The following MAN1C1 variants were observed in gnomAD, a reference collection of about 807,000 sequenced individuals.
MAN1C1 encodes the protein mannosidase alpha class 1C member 1.
Under a neutral mutation model 71.5 loss-of-function variants are expected in MAN1C1, and 49 were observed. The ratio of observed to expected loss-of-function variants is 0.69; its 90% CI spans 0.54 to 0.87. MAN1C1 has a LOEUF of 0.87. Among genes scored for constraint, MAN1C1 ranks in the 40% least tolerant of loss-of-function variants. The probability of loss-of-function intolerance (pLI) is 0.00; values close to 1 mark genes in which losing one functional copy is unlikely to be tolerated. For synonymous variants in MAN1C1, 352 were observed against 343.7 expected (o/e 1.02, Z -0.27); for missense variants, 743 against 835.0 (o/e 0.89, Z 1.36).
At chr1:25,678,131 C>CT (rs932815112) in intron 1 of MAN1C1, among the ~76,000 whole-genome samples, 5 of 152,038 alleles carry the variant, frequency 3.3e-5, no homozygotes, top group African/African-American at 1.2e-4. Flanking sequence ...TTCTTTCAGT[C>CT]TTTTTTGTAA....
chr1:25,767,919 C>T (rs1465707455), intron 7 of MAN1C1, among the ~76,000 whole-genome samples: 2 of 71,390 alleles, frequency 2.8e-5, no homozygotes, highest in Admixed American at 1.5e-4. Context: ...TTACACACTC[C>T]CCCACACAGA....
chr1:25,764,733 A>C lies in MAN1C1; in HGVS notation c.1141+766A>C, dbSNP rs2047405809. On this transcript the variant is annotated intron_variant, in intron 7 of 11. Coordinates refer to ENST00000374332, the MANE Select transcript of MAN1C1 (RefSeq NM_020379.4). The surrounding 1 kb of genome is among the most constrained non-coding windows in gnomAD (Gnocchi z 4.4). ...ACGCCTGGCTCCAACTTTAATTTAA[A>C]AAACAAACAAACAAACAAACAAACA... is the stretch of plus-strand genomic sequence containing the variant. 1.3e-5 allele frequency among the ~76,000 whole-genome samples: 2 copies of C among 151,978 alleles called. No homozygotes were observed. The highest frequency in any genetic ancestry group is 4.2e-4 in the South Asian group (2 of 4,818).
chr1:25,648,912 G>C (rs986040622), intron 1 of MAN1C1, among the ~76,000 whole-genome samples: 4 of 152,200 alleles, frequency 2.6e-5, no homozygotes, highest in African/African-American at 9.6e-5. Flanking sequence ...TCTTTGAAAA[G>C]AAAAGCAGAG....
At chr1:25,768,735 C>T (rs1043153133) in intron 7 of MAN1C1, among the ~76,000 whole-genome samples, 1 of 131,110 alleles carries the variant, frequency 7.6e-6, no homozygotes, top group Non-Finnish European at 1.6e-5. Flanking sequence ...CATACACTCC[C>T]CTCACACACC....
Position 25,782,990 on chromosome 1 carries a change from G to C in MAN1C1, c.1766+290G>C, listed in dbSNP as rs910400044. Among the ~76,000 whole-genome samples the C allele has an allele frequency of 6.6e-6, 1 of 152,168 alleles. No individual in the cohort carries two copies. The highest frequency in any genetic ancestry group is 6.5e-5 in the Admixed American group (1 of 15,276). ...CCAGGTTGCTTCCGTTCTGGGAACC[G>C]CGTCCTCGTGTGTAAAATGGGATAG... On this transcript the variant is annotated intron_variant, in intron 11 of 11. Transcript: ENST00000374332. The surrounding 1 kb of genome is among the most constrained non-coding windows in gnomAD (Gnocchi z 4.4).
chr1:25,659,777 T>C (rs1421552660), intron 1 of MAN1C1, among the ~76,000 whole-genome samples: 3 of 152,210 alleles, frequency 2.0e-5, no homozygotes, highest in African/African-American at 7.2e-5. Flanking sequence ...TGGTTAATAA[T>C]AGCCATTCTT....
At chr1:25,622,061 T>A (rs553274459) in intron 1 of MAN1C1, among the ~76,000 whole-genome samples, 1 of 152,274 alleles carries the variant, frequency 6.6e-6, no homozygotes, top group East Asian at 1.9e-4. Context: ...CATATGGTGT[T>A]TTCAAACAAA....
chr1:25,644,966 G>T (rs1005421464), intron 1 of MAN1C1: 2 of 152,220 alleles, frequency 1.3e-5, no homozygotes, highest in Non-Finnish European at 2.9e-5. Flanking sequence ...ACCAGAGGTT[G>T]GGGGAGAAGG....
chr1:25,783,988 A>T lies in MAN1C1; in HGVS notation c.*199A>T. On this transcript the variant is annotated 3_prime_UTR_variant, in exon 12 of 12. Transcript: ENST00000374332. Reference sequence around the variant, plus strand: ...GCGATGTCAGGCCAGGGCCATGGCCACACTGGCCCACACATTCCTTTCTAC... The same window carrying T: ...GCGATGTCAGGCCAGGGCCATGGCCTCACTGGCCCACACATTCCTTTCTAC... The T allele has an allele frequency of 1.7e-6, 1 of 585,784 alleles. No homozygotes were observed. 36.3% of individuals were successfully genotyped at this position (585,784 alleles called of 1,614,324 possible). A position where few individuals can be genotyped will look rare whatever the true frequency, so the allele number is the denominator to read the frequency against.
At chr1:25,692,504 G>T (rs147792847) in intron 2 of MAN1C1, among the ~76,000 whole-genome samples, 146 of 152,290 alleles carry the variant, frequency 9.6e-4, no homozygotes, top group African/African-American at 3.3e-3. Flanking sequence ...GGGAGCCACT[G>T]CGTCCAGCCC....
Position 25,617,625 on chromosome 1 carries a change from C to G in MAN1C1, c.-173C>G. On this transcript the variant is annotated 5_prime_UTR_variant, in exon 1 of 12. Coordinates refer to ENST00000374332, the MANE Select transcript of MAN1C1 (RefSeq NM_020379.4). This position sits in a 1 kb window ranked among gnomAD's most constrained non-coding sequence, Gnocchi z 5.1. ...CCGCCTCCTCGCGGGAGGACTCGCT[C>G]CAAACTCCCTGAACTTCGGGGACAG... 1 of 558,280 alleles carries G rather than the reference C, an allele frequency of 1.8e-6. No individual in the cohort carries two copies. Among genetic ancestry groups the G allele is most frequent in the Non-Finnish European group, 3.0e-6 (1 of 332,024 alleles). 34.6% of individuals were successfully genotyped at this position (558,280 alleles called of 1,614,324 possible).
At chr1:25,622,518 A>G (rs934204964) in intron 1 of MAN1C1, among the ~76,000 whole-genome samples, 3 of 152,206 alleles carry the variant, frequency 2.0e-5, no homozygotes, top group Admixed American at 6.5e-5. Flanking sequence ...GGGTACCTGG[A>G]ATTCAAAGGA....
chr1:25,721,603 A>G (rs1425625501), intron 2 of MAN1C1, among the ~76,000 whole-genome samples: 2 of 152,210 alleles, frequency 1.3e-5, no homozygotes, highest in African/African-American at 4.8e-5. Context: ...CTAGTATATA[A>G]AATTACAATT....
At chr1:25,699,681 A>C (rs1459308537) in intron 2 of MAN1C1, among the ~76,000 whole-genome samples, 1 of 152,158 alleles carries the variant, frequency 6.6e-6, no homozygotes, top group Non-Finnish European at 1.5e-5. Flanking sequence ...CTAAAATAGC[A>C]GGTGATTGGG....
intron 1 of MAN1C1, among the ~76,000 whole-genome samples, chr1:25,622,022 C>T (rs1038328596): frequency 1.3e-5 from 2 of 152,120 alleles, no homozygotes; most frequent in Non-Finnish European, 2.9e-5. Flanking sequence ...ACTGAGAACG[C>T]GGTACTGGAG....
chr1:25,650,168 G>A (rs1213209738), intron 1 of MAN1C1, among the ~76,000 whole-genome samples: 1 of 152,202 alleles, frequency 6.6e-6, no homozygotes, highest in Non-Finnish European at 1.5e-5. Context: ...TCCACTTACT[G>A]TGGGTCAAGC....
intron 1 of MAN1C1, among the ~76,000 whole-genome samples, chr1:25,628,006 C>T (rs1184697187): frequency 6.6e-6 from 1 of 152,136 alleles, no homozygotes; most frequent in Non-Finnish European, 1.5e-5. Flanking sequence ...ATGATTGCAA[C>T]ACTGTACTCC....
intron 6 of MAN1C1, among the ~76,000 whole-genome samples, chr1:25,763,111 T>C (rs762102580): frequency 2.0e-5 from 3 of 151,982 alleles, no homozygotes; most frequent in Non-Finnish European, 4.4e-5. Flanking sequence ...CTACTAAAAA[T>C]ACAAAAATTA....
At chr1:25,731,104 C>A (rs2046903126) in intron 2 of MAN1C1, among the ~76,000 whole-genome samples, 1 of 152,166 alleles carries the variant, frequency 6.6e-6, no homozygotes, top group Non-Finnish European at 1.5e-5. Flanking sequence ...ACCGCCTGAG[C>A]CCAGGAGTTT....
Sources: allele counts gnomAD v4.1 joint callset (sites outside exome capture counted in the v4.1 genomes callset), GRCh38; gene constraint gnomAD v4.1.1; non-coding constraint Gnocchi (gnomAD v3.1); transcripts MANE v1.5; gene names NCBI Gene and HGNC (gene_info 2026-07-23, HGNC 2026-07-21).